The following LTF variants were observed in gnomAD, a reference collection of about 807,000 sequenced individuals.
LTF encodes epididymis luminal protein 110.
LTF carries 91 observed loss-of-function variants against 87.2 expected under a neutral mutation model. The observed-to-expected ratio is 1.04, with a 90% CI of 0.88 to 1.24. The LOEUF (loss-of-function observed/expected upper bound fraction) is 1.24, where lower values mean the gene tolerates loss of function less well. LTF is among the 50% of genes most tolerant of loss of function. LTF has a pLI of 0.00. For synonymous variants in LTF, 378 were observed against 356.1 expected (o/e 1.06, Z -0.69); for missense variants, 901 against 904.3 (o/e 1.00, Z 0.05).
chr3:46,442,967 C>T (rs1033556670), intron 13 of LTF, among the ~76,000 whole-genome samples: 8 of 152,150 alleles, frequency 5.3e-5, no homozygotes, highest in Non-Finnish European at 1.0e-4. Context: ...TTTTTCACTT[C>T]GTTACTGGAG....
intron 5 of LTF, 36 bp downstream of exon 5, chr3:46,455,259 C>G: frequency 6.2e-7 from 1 of 1,613,610 alleles, no homozygotes. Context: ...CCAAGGGACA[C>G]TTGGCCACTG....
intron 6 of LTF, among the ~76,000 whole-genome samples, chr3:46,453,815 C>T (rs930912815): frequency 2.0e-5 from 3 of 152,198 alleles, no homozygotes; most frequent in Non-Finnish European, 4.4e-5. Context: ...AGCACAACCT[C>T]TGTCCATCAC....
intron 1 of LTF, among the ~76,000 whole-genome samples, chr3:46,464,169 C>T (rs955159367): frequency 3.3e-5 from 5 of 152,184 alleles, no homozygotes; most frequent in African/African-American, 1.2e-4. Context: ...CCTCTGAGCA[C>T]CCGAGAAATT....
intron 1 of LTF, among the ~76,000 whole-genome samples, chr3:46,484,584 C>T (rs1367036009): frequency 6.6e-6 from 1 of 152,140 alleles, no homozygotes; most frequent in Non-Finnish European, 1.5e-5. Context: ...GAATGTTCTG[C>T]CAATATCCAC....
chr3:46,483,391 T>C (rs1293520449), intron 1 of LTF, among the ~76,000 whole-genome samples: 1 of 152,248 alleles, frequency 6.6e-6, no homozygotes, highest in African/African-American at 2.4e-5. Context: ...CAAATGTCTG[T>C]GAGTGGTAGA....
chr3:46,450,117 G>A (rs1194802452), intron 7 of LTF, 89 bp from the exon 8 acceptor site: 1 of 1,116,302 alleles, frequency 9.0e-7, no homozygotes, highest in African/African-American at 1.6e-5. Context: ...TGGAGCTTTG[G>A]GATCATTCTA....
At chr3:46,450,118 G>T (rs552038710) in intron 7 of LTF, 90 bp from the exon 8 acceptor site, 5 of 1,112,258 alleles carry the variant, frequency 4.5e-6, no homozygotes, top group Non-Finnish European at 3.9e-6. Flanking sequence ...GGAGCTTTGG[G>T]ATCATTCTAA....
rs754345215 is a variant in LTF, at chr3:46,456,365, C to T, written c.241G>A (p.Gly81Ser). The stretch of plus-strand genomic sequence containing the variant: ...GCCAGGCCTGCCTCGTATATGAAAC[C>T]ACCATCAAGGGTCACAGCATCGGCC... ...NRADAVTLDG[G>S]FIYEAGLAPY... The change falls in exon 3 of 17, where the codon GGT becomes AGT. Residue 81 changes from glycine to serine, a missense_variant. Gly to Ser is a moderately conservative substitution (Grantham distance 56). Coordinates refer to ENST00000231751, the MANE Select transcript of LTF (RefSeq NM_002343.6). The T allele has an allele frequency of 6.2e-7, 1 of 1,614,188 alleles. No homozygotes were observed. Among genetic ancestry groups the T allele is most frequent in the African/African-American group, 1.3e-5 (1 of 75,028 alleles).
intron 1 of LTF, among the ~76,000 whole-genome samples, chr3:46,483,360 G>A (rs1384669798): frequency 2.6e-5 from 4 of 152,226 alleles, no homozygotes; most frequent in South Asian, 2.1e-4. Context: ...ATGTTGATAA[G>A]AGCATTGTCC....
rs1037237086 is a variant in LTF at position 46,450,034 on chromosome 3, T to C, written c.883-6A>G. The C allele has an allele frequency of 1.3e-6, 2 of 1,571,650 alleles. No homozygotes were observed. Among genetic ancestry groups the C allele is most frequent in the African/African-American group, 1.4e-5 (1 of 72,512 alleles). On this transcript the variant is annotated splice_region_variant and splice_polypyrimidine_tract_variant and intron_variant, in intron 7 of 16. Coordinates refer to ENST00000231751, the MANE Select transcript of LTF (RefSeq NM_002343.6). ...TTGTCCTTTCCAAACTTTTCCTAAT[T>C]AAGAAAAAATAGAATTATGGTGTCA...
chr3:46,438,261 A>G, intron 15 of LTF, 132 bp from the exon 16 acceptor site: 1 of 760,728 alleles, frequency 1.3e-6, no homozygotes, highest in Non-Finnish European at 2.2e-6. Context: ...TGAGTTCTGG[A>G]GTCATTCCAC....
At chr3:46,484,767 G>A (rs1703494951) in intron 1 of LTF, among the ~76,000 whole-genome samples, 1 of 152,198 alleles carries the variant, frequency 6.6e-6, no homozygotes, top group South Asian at 2.1e-4. Flanking sequence ...ACACCTGAAG[G>A]TGTACAGTGT....
rs376842734 is a variant in LTF, at chr3:46,456,296, C to T, written c.310G>A (p.Glu104Lys). 7.7e-5 allele frequency: 125 copies of T among 1,613,900 alleles called. No homozygotes were observed. The African/African-American group carries it at 1.2e-3, about 15-fold the overall frequency. The change falls in exon 3 of 17, where the codon GAA (glutamate) becomes AAA (lysine). Residue 104 changes from glutamate (E) to lysine (K), a missense_variant. By Grantham distance (56) the Glu-to-Lys change is moderately conservative. Transcript: ENST00000231751. ...RPVAAEVYGT[E>K]RQPRTHYYAV... ...GTCCCCAGGCAGAACTCACGTCTTT[C>T]GGTCCCGTAGACTTCCGCCGCTACA...
intron 1 of LTF, among the ~76,000 whole-genome samples, chr3:46,475,681 G>T (rs1308841320): frequency 1.3e-5 from 2 of 151,996 alleles, no homozygotes; most frequent in African/African-American, 4.8e-5. Context: ...CCCAACTCAA[G>T]CTGGCCAAGT....
At chr3:46,437,898 C>T in intron 16 of LTF, 42 bp downstream of exon 16, 1 of 1,563,648 alleles carries the variant, frequency 6.4e-7, no homozygotes, top group South Asian at 1.1e-5. Context: ...TTGACCTTCA[C>T]CCATGGTGGT....
intron 1 of LTF, among the ~76,000 whole-genome samples, chr3:46,479,704 A>G (rs1285640622): frequency 1.3e-5 from 2 of 152,090 alleles, no homozygotes; most frequent in Non-Finnish European, 2.9e-5. Flanking sequence ...TTGTATTTTT[A>G]GTAGAGACGG....
chr3:46,450,351 C>A, intron 7 of LTF, 144 bp downstream of exon 7: 1 of 858,188 alleles, frequency 1.2e-6, no homozygotes, highest in South Asian at 1.6e-5. Flanking sequence ...CACAGTACAG[C>A]CTGGGCAAGC....
rs1258649241 is a variant in LTF, at chr3:46,443,588, G to C, written c.1514-6C>G. On this transcript the variant is annotated splice_region_variant and splice_polypyrimidine_tract_variant and intron_variant, in intron 12 of 16. Coordinates refer to ENST00000231751, the MANE Select transcript of LTF (RefSeq NM_002343.6). ...GCTTTGACTGAAATATTCATCTGGA[G>C]AGAAGGAACACGGGGAGTCAGCTCT... is the stretch of plus-strand genomic sequence containing the variant. The C allele has an allele frequency of 6.2e-7, 1 of 1,614,044 alleles. No homozygotes were observed. The highest frequency in any genetic ancestry group is 8.5e-7 in the Non-Finnish European group (1 of 1,180,036).
intron 8 of LTF, among the ~76,000 whole-genome samples, 159 bp downstream of exon 8, chr3:46,449,695 A>G (rs569195791): frequency 1.3e-5 from 2 of 152,330 alleles, no homozygotes; most frequent in South Asian, 4.2e-4. Context: ...TTTTAGAGAC[A>G]CCTGACCTAA....
Sources: allele counts gnomAD v4.1 joint callset (sites outside exome capture counted in the v4.1 genomes callset), GRCh38; gene constraint gnomAD v4.1.1; transcripts MANE v1.5; gene names NCBI Gene and HGNC (gene_info 2026-07-23, HGNC 2026-07-21).